Variants in VAV2 observed in about 807,000 individuals in gnomAD.
VAV2 encodes guanine nucleotide exchange factor VAV2.
VAV2 carries 67 observed loss-of-function variants against 132.5 expected under a neutral mutation model. The observed-to-expected ratio is 0.51, with a 90% CI of 0.42 to 0.62. The LOEUF is 0.62. Among genes scored for constraint, VAV2 ranks in the 20% least tolerant of loss-of-function variants. The pLI, the probability that VAV2 is intolerant of heterozygous loss-of-function variation, is 0.00. For synonymous variants in VAV2, 492 were observed against 443.5 expected (o/e 1.11, Z -1.37); for missense variants, 938 against 1,153.6 (o/e 0.81, Z 2.71).
At chr9:133,921,639 T>C (rs1361839129) in intron 2 of VAV2, among the ~76,000 whole-genome samples, 1 of 152,166 alleles carries the variant, frequency 6.6e-6, no homozygotes, top group Admixed American at 6.5e-5. Flanking sequence ...ACCATGTCCC[T>C]CATAAGGGGT....
Position 133,878,364 on chromosome 9 carries a change from A to G in VAV2, c.322-16932T>C, listed in dbSNP as rs184391609. On this transcript the variant is annotated intron_variant, in intron 2 of 29. Transcript: ENST00000371850. ...GGCTGTGTGTTTCTGAAAGGATCTG[A>G]CCGAACTGAGCACTAAGATTGTTCA... is the stretch of plus-strand genomic sequence containing the variant. Among the ~76,000 whole-genome samples, 1,241 of 152,260 alleles carry G rather than the reference A, an allele frequency of 8.2e-3. 33 individuals are homozygous for G. Among genetic ancestry groups the G allele is most frequent in the Admixed American group, 0.053 (810 of 15,282 alleles).
intron 26 of VAV2, among the ~76,000 whole-genome samples, chr9:133,770,998 C>T (rs566267362): frequency 6.6e-6 from 1 of 151,496 alleles, no homozygotes; most frequent in South Asian, 2.1e-4. Context: ...TGAGGACTCA[C>T]TGAGATGCCA....
At chr9:133,909,972 T>C (rs1250489098) in intron 2 of VAV2, among the ~76,000 whole-genome samples, 1 of 150,626 alleles carries the variant, frequency 6.6e-6, no homozygotes, top group African/African-American at 2.5e-5. Flanking sequence ...TTACCAGCTA[T>C]GCTAGCACTC....
intron 1 of VAV2, among the ~76,000 whole-genome samples, chr9:133,978,034 G>A (rs528568900): frequency 2.0e-5 from 3 of 152,256 alleles, no homozygotes; most frequent in East Asian, 3.9e-4. Context: ...GATGTCCTAC[G>A]TGTATGAGAC....
chr9:133,920,158 T>G (rs1203481725), intron 2 of VAV2, among the ~76,000 whole-genome samples: 2 of 151,098 alleles, frequency 1.3e-5, no homozygotes, highest in Non-Finnish European at 2.9e-5. Context: ...GGTAGAGGGA[T>G]CTGCCATCAA....
Position 133,770,490 on chromosome 9 carries a change from C to T in VAV2, c.2235G>A (p.Glu745=), listed in dbSNP as rs756993903. 1.2e-6 allele frequency: 2 copies of T among 1,614,032 alleles called. No individual in the cohort carries two copies. Among genetic ancestry groups the T allele is most frequent in the South Asian group, 1.1e-5 (1 of 91,088 alleles). ...KKFDSLLELV[E]YYQCHSLKES... ...CCTTCAGTGAGTGGCACTGGTAGTA[C>T]TCCACCAACTCCTGCAGGGCGTACA... Residue 745 remains glutamate (E), a synonymous_variant, in exon 27 of 30, where the codon GAG becomes GAA. Coordinates refer to ENST00000371850, the MANE Select transcript of VAV2 (RefSeq NM_001134398.2).
At chr9:133,959,611 C>T (rs1235665261) in intron 1 of VAV2, among the ~76,000 whole-genome samples, 5 of 152,202 alleles carry the variant, frequency 3.3e-5, no homozygotes, top group African/African-American at 1.2e-4. Context: ...CACCACGTCC[C>T]CTATCTTGTC....
At position 133,882,093 on chromosome 9, in the gene VAV2, T is replaced by G. The variant is rs539660236; in HGVS notation, c.322-20661A>C. 7.9e-5 allele frequency among the ~76,000 whole-genome samples: 12 copies of G among 152,302 alleles called. No individual in the cohort carries two copies. The South Asian group carries it at 2.5e-3, about 32-fold the overall frequency. On this transcript the variant is annotated intron_variant, in intron 2 of 29. Coordinates refer to ENST00000371850, the MANE Select transcript of VAV2 (RefSeq NM_001134398.2). Reference sequence around the variant, plus strand: ...GAGGCAAGAGGCAGCCATCCCCAGATAGCTGTGTGGCAGGCCCCAGGCTGT... The same window carrying G: ...GAGGCAAGAGGCAGCCATCCCCAGAGAGCTGTGTGGCAGGCCCCAGGCTGT...
intron 2 of VAV2, among the ~76,000 whole-genome samples, chr9:133,865,495 T>C (rs1322531611): frequency 1.3e-5 from 2 of 152,258 alleles, no homozygotes; most frequent in African/African-American, 4.8e-5. Flanking sequence ...AGACTACTGT[T>C]TAAGACACAT....
chr9:133,937,631 T>C (rs1165567251), intron 2 of VAV2, among the ~76,000 whole-genome samples: 2 of 152,116 alleles, frequency 1.3e-5, no homozygotes, highest in Non-Finnish European at 2.9e-5. Context: ...CAAATTCATC[T>C]CTGCTGCTTG....
intron 4 of VAV2, among the ~76,000 whole-genome samples, chr9:133,820,554 T>G (rs1470686031): frequency 6.6e-6 from 1 of 152,096 alleles, no homozygotes; most frequent in East Asian, 1.9e-4. Context: ...CTCAATCTCC[T>G]GACCTCGTGA....
chr9:133,940,043 T>G (rs547924802), intron 1 of VAV2, among the ~76,000 whole-genome samples: 2 of 152,266 alleles, frequency 1.3e-5, no homozygotes, highest in South Asian at 4.1e-4. Context: ...TAAGGAAACT[T>G]ATAAGGCAGC....
At chr9:133,819,280 TA>T (rs1315511170) in intron 4 of VAV2, among the ~76,000 whole-genome samples, 1 of 144,288 alleles carries the variant, frequency 6.9e-6, no homozygotes, top group African/African-American at 2.7e-5. Flanking sequence ...CCGTCTCTAC[TA>T]AAAAATACAA....
At chr9:133,989,403 C>A (rs1338995028) in intron 1 of VAV2, among the ~76,000 whole-genome samples, 1 of 151,406 alleles carries the variant, frequency 6.6e-6, no homozygotes, top group East Asian at 1.9e-4. Flanking sequence ...GCCTGTAATC[C>A]CAGCTACTCG....
At position 133,779,983 on chromosome 9, in the gene VAV2, C is replaced by T. The variant is rs758369076; in HGVS notation, c.1741-44G>A. The T allele has an allele frequency of 8.1e-6, 13 of 1,610,358 alleles. No individual in the cohort carries two copies. The East Asian group carries it at 2.5e-4, about 30-fold the overall frequency. On this transcript the variant is annotated intron_variant, in intron 20 of 29. Transcript: ENST00000371850. ...AACACAGAGATGAGGGAAGGCTGCT[C>T]TTTGACTGTGGCCCATGCATCAACG...
intron 16 of VAV2, 144 bp downstream of exon 16, chr9:133,787,102 G>A (rs75475678): frequency 0.043 from 38,526 of 888,720 alleles, 1,081 homozygotes; most frequent in African/African-American, 0.1. Flanking sequence ...TTTCATCATC[G>A]GGAAAGGGAG....
intron 1 of VAV2, among the ~76,000 whole-genome samples, chr9:133,983,274 G>A (rs1025082955): frequency 6.6e-6 from 1 of 152,172 alleles, no homozygotes; most frequent in African/African-American, 2.4e-5. Context: ...GTCCCTACAA[G>A]TCTCCTCAAA....
At chr9:133,954,841 GATAA>G (rs1174894327) in intron 1 of VAV2, among the ~76,000 whole-genome samples, 1 of 152,150 alleles carries the variant, frequency 6.6e-6, no homozygotes, top group Non-Finnish European at 1.5e-5. Flanking sequence ...TCTGCATTAC[GATAA>G]ATAAAGCTAA....
intron 1 of VAV2, among the ~76,000 whole-genome samples, chr9:133,981,690 C>T (rs977917557): frequency 1.3e-5 from 2 of 152,258 alleles, no homozygotes; most frequent in South Asian, 4.1e-4. Flanking sequence ...TCGAGGGACA[C>T]GGCCACCAAG....
Sources: allele counts gnomAD v4.1 joint callset (sites outside exome capture counted in the v4.1 genomes callset), GRCh38; gene constraint gnomAD v4.1.1; transcripts MANE v1.5; gene names NCBI Gene and HGNC (gene_info 2026-07-23, HGNC 2026-07-21).